Variants in ZNF138 observed in about 807,000 individuals in gnomAD.
The protein encoded by ZNF138 is zinc finger protein 138, also known as zinc finger protein 138 (clone pHZ-32).
A neutral mutation model predicts 33.0 loss-of-function variants in ZNF138; 33 were observed. The ratio of observed to expected loss-of-function variants is 1.00; its 90% confidence interval spans 0.76 to 1.34. The LOEUF is 1.34. Among genes scored for constraint, ZNF138 ranks in the 40% most tolerant of loss-of-function variants. The pLI is 0.00. For missense variants in ZNF138, 360 were observed against 370.8 expected (o/e 0.97, Z 0.24); for synonymous variants, 139 against 120.4 (o/e 1.15, Z -1.01).
At chr7:64,846,119 A>G in the ZNF138 span, among the ~76,000 whole-genome samples, 3 of 152,154 alleles carry the variant, frequency 2.0e-5, 1 homozygote, top group Admixed American at 2.0e-4. Context: ...CCGTTGGCCT[A>G]CGTGCCTGTT....
chr7:64,841,860 A>T, the ZNF138 span, among the ~76,000 whole-genome samples: 1 of 152,192 alleles, frequency 6.6e-6, no homozygotes, highest in Non-Finnish European at 1.5e-5. Context: ...GTTAATTAAG[A>T]TAAAACGCAT....
In ZNF138 at chr7:64,794,579, T is replaced by C. The variant is rs773270814; in HGVS notation, c.3+8T>C. The C allele has an allele frequency of 1.2e-6, 2 of 1,613,388 alleles. No individual in the cohort carries two copies. Among genetic ancestry groups the C allele is most frequent in the Non-Finnish European group, 1.7e-6 (2 of 1,179,618 alleles). The stretch of plus-strand genomic sequence containing the variant: ...CCCGGAAGCCTAGAAATGGTGAGAG[T>C]GCTGGGTCCGACATCCCGAGAGAGG... On this transcript the variant is annotated splice_region_variant and intron_variant, in intron 1 of 3. Transcript: ENST00000307355.
the ZNF138 span, among the ~76,000 whole-genome samples, chr7:64,848,919 T>C: frequency 6.6e-6 from 1 of 152,082 alleles, no homozygotes; most frequent in African/African-American, 2.4e-5. Context: ...TTAGCCAGGA[T>C]GGTCTCAATC....
Position 64,809,000 on chromosome 7 carries a change from G to A in ZNF138, c.4-5918G>A, listed in dbSNP as rs1363020776. Among the ~76,000 whole-genome samples the A allele has an allele frequency of 5.9e-3, 774 of 131,834 alleles. 6 individuals carry two copies. The highest frequency in any genetic ancestry group is 0.012 in the Middle Eastern group (3 of 254). 86.5% of individuals were successfully genotyped at this position (131,834 alleles called of 152,430 possible). ...TGTCTACTTCTTTCTACACAGACAC[G>A]GCAACCATCCGATTTCTCAATCTTT... is the stretch of plus-strand genomic sequence containing the variant. On this transcript the variant is annotated intron_variant, in intron 1 of 3. Coordinates refer to ENST00000307355, the MANE Select transcript of ZNF138 (RefSeq NM_001271639.2).
chr7:64,803,354 C>T (rs919319838), intron 1 of ZNF138, among the ~76,000 whole-genome samples: 4 of 149,710 alleles, frequency 2.7e-5, no homozygotes, highest in African/African-American at 9.8e-5. Flanking sequence ...AAAAGTTGAG[C>T]ACAAAGATAG....
chr7:64,796,729 C>A (rs928066210), intron 1 of ZNF138, among the ~76,000 whole-genome samples: 26 of 152,124 alleles, frequency 1.7e-4, no homozygotes, highest in Middle Eastern at 3.2e-3. Flanking sequence ...AATACTTCTT[C>A]CATTTTGGCT....
At chr7:64,810,436 G>A (rs1301312272) in intron 1 of ZNF138, among the ~76,000 whole-genome samples, 1 of 81,306 alleles carries the variant, frequency 1.2e-5, no homozygotes, top group African/African-American at 5.4e-5. Context: ...GGGAGACCGT[G>A]GGGAGAGGGA....
Position 64,831,627 on chromosome 7 carries a change from C to A in ZNF138, c.385C>A (p.Gln129Lys). ...CCAAGGAGGTTTTAATGGACTTAAC[C>A]AATGTTTGAAAATTACCACAAGCAA... ...GHQGGFNGLN[Q>K]CLKITTSKIF... Residue 129 changes from glutamine (Q) to lysine (K), a missense_variant, in exon 4 of 4, where the codon CAA (glutamine) becomes AAA (lysine). Gln to Lys is a moderately conservative substitution (Grantham distance 53). Transcript: ENST00000307355. 6.2e-7 allele frequency: 1 copy of A among 1,609,394 alleles called. No individual in the cohort carries two copies. Among genetic ancestry groups the A allele is most frequent in the Non-Finnish European group, 8.5e-7 (1 of 1,178,374 alleles).
chr7:64,828,624 A>C (rs1224595793), intron 3 of ZNF138, among the ~76,000 whole-genome samples: 1 of 152,156 alleles, frequency 6.6e-6, no homozygotes, highest in Non-Finnish European at 1.5e-5. Flanking sequence ...TGAGTATAAA[A>C]ATGACTCTTC....
intron 1 of ZNF138, among the ~76,000 whole-genome samples, chr7:64,802,263 G>T (rs916580510): frequency 6.6e-6 from 1 of 152,194 alleles, no homozygotes; most frequent in African/African-American, 2.4e-5. Flanking sequence ...ATAAAGGATT[G>T]TGGAGACCAA....
chr7:64,825,672 T>C (rs1789546864), intron 3 of ZNF138, among the ~76,000 whole-genome samples: 1 of 151,884 alleles, frequency 6.6e-6, no homozygotes, highest in South Asian at 2.1e-4. Context: ...TCTGAGGAGC[T>C]GGGACTACAG....
chr7:64,830,906 T>G (rs1790029370), intron 3 of ZNF138: 2 of 1,532,174 alleles, frequency 1.3e-6, no homozygotes, highest in African/African-American at 2.8e-5. Flanking sequence ...TAGTCAGTAG[T>G]CACTTGCTAC....
intron 1 of ZNF138, among the ~76,000 whole-genome samples, chr7:64,803,714 A>G (rs74727812): frequency 0.011 from 1,729 of 152,322 alleles, 33 homozygotes; most frequent in African/African-American, 0.039. Context: ...TTTGGAATAT[A>G]AAGTGTTTTA....
chr7:64,819,190 C>G (rs1411855331), intron 3 of ZNF138, among the ~76,000 whole-genome samples: 1 of 151,996 alleles, frequency 6.6e-6, no homozygotes, highest in Non-Finnish European at 1.5e-5. Flanking sequence ...AATATGACCC[C>G]TATTTTGGTT....
chr7:64,821,356 T>C (rs1456528202), intron 3 of ZNF138, among the ~76,000 whole-genome samples: 1 of 151,404 alleles, frequency 6.6e-6, no homozygotes, highest in African/African-American at 2.5e-5. Context: ...CCCAAAGTGC[T>C]GGGATTATAG....
At chr7:64,824,867 CT>C (rs57401048) in intron 3 of ZNF138, among the ~76,000 whole-genome samples, 160 of 146,178 alleles carry the variant, frequency 1.1e-3, no homozygotes, top group African/African-American at 1.1e-3. Flanking sequence ...TTATGAGTCT[CT>C]TTTTTTTTTT....
chr7:64,820,107 A>G (rs200171522), intron 3 of ZNF138, among the ~76,000 whole-genome samples: 1 of 151,986 alleles, frequency 6.6e-6, no homozygotes, highest in East Asian at 1.9e-4. Flanking sequence ...CATGTTAACT[A>G]TATTCACATT....
At chr7:64,799,800 C>CGTGG (rs1486197370) in intron 1 of ZNF138, among the ~76,000 whole-genome samples, 1 of 152,034 alleles carries the variant, frequency 6.6e-6, no homozygotes, top group East Asian at 1.9e-4. Context: ...TGTGCCACCA[C>CGTGG]GCCTGGCTAA....
At chr7:64,808,921 GA>G (rs1418994491) in intron 1 of ZNF138, among the ~76,000 whole-genome samples, 1 of 140,794 alleles carries the variant, frequency 7.1e-6, no homozygotes, top group Admixed American at 7.3e-5. Context: ...AGATCAACAG[GA>G]TCCCAAGGCA....
Sources: gnomAD v4.1 joint callset for allele counts (sites outside exome capture counted in the v4.1 genomes callset) on GRCh38, gnomAD v4.1.1 for gene constraint, MANE v1.5 for transcripts, NCBI Gene and HGNC (gene_info 2026-07-23, HGNC 2026-07-21) for gene names.